Variants in PCDHA2 observed in about 807,000 individuals in gnomAD.
PCDHA2 encodes protocadherin alpha-2.
PCDHA2 carries 58 observed loss-of-function variants against 66.0 expected under a neutral mutation model. The ratio of observed to expected loss-of-function variants is 0.88; its 90% confidence interval spans 0.71 to 1.09. The LOEUF (loss-of-function observed/expected upper bound fraction) is 1.09. Among genes scored for constraint, PCDHA2 ranks in the 50% least tolerant of loss-of-function variants. PCDHA2 has a pLI of 0.00. For missense variants in PCDHA2, 1,267 were observed against 1,242.3 expected (o/e 1.02, Z -0.30); for synonymous variants, 634 against 554.0 (o/e 1.14, Z -2.03).
intron 1 of PCDHA2, chr5:140,850,568 G>T (rs2150489760): frequency 1.3e-6 from 2 of 1,598,448 alleles, no homozygotes; most frequent in South Asian, 2.2e-5. Context: ...GCCCCGAGGT[G>T]ACGCTGGTGG....
In PCDHA2 at chr5:140,795,375, A is replaced by G. The variant is rs782008701; in HGVS notation, c.411A>G (p.Val137=). 10 of 1,614,184 alleles carry G rather than the reference A, an allele frequency of 6.2e-6. No individual in the cohort carries two copies. The highest frequency in any genetic ancestry group is 7.6e-6 in the Non-Finnish European group (9 of 1,180,020). ...ACCCGCCAATATTTCCAATGACAGTAAAGACTATCCGGTTTCCCGAATCAA... is the reference window on the plus strand; with the variant it reads ...ACCCGCCAATATTTCCAATGACAGTGAAGACTATCCGGTTTCCCGAATCAA... ...NDNPPIFPMT[V]KTIRFPESRL... is the part of the protein sequence containing the mutation. Residue 137 remains valine, a synonymous_variant, in exon 1 of 4, where the codon GTA becomes GTG. Coordinates refer to ENST00000526136, the MANE Select transcript of PCDHA2 (RefSeq NM_018905.3).
In PCDHA2 at chr5:140,856,890, G is replaced by A. The variant is rs782469336; in HGVS notation, c.2388+59538G>A. On this transcript the variant is annotated intron_variant, in intron 1 of 3. Transcript: ENST00000526136. ...AACAAGGAAATGATGTATTCATTTA[G>A]CTCTTTGGTCCCACCCACGATAAGA... 2.1e-5 allele frequency: 34 copies of A among 1,596,056 alleles called. 3 individuals carry two copies. The highest frequency in any genetic ancestry group is 2.9e-5 in the Non-Finnish European group (34 of 1,165,980).
intron 1 of PCDHA2, among the ~76,000 whole-genome samples, chr5:140,889,977 C>A (rs2062447126): frequency 6.6e-6 from 1 of 152,102 alleles, no homozygotes; most frequent in African/African-American, 2.4e-5. Flanking sequence ...ATCCAGTCTC[C>A]AGTTGTCTTA....
chr5:140,852,967 C>T (rs1446312366), intron 1 of PCDHA2: 3 of 408,074 alleles, frequency 7.4e-6, no homozygotes, highest in South Asian at 2.0e-4. Flanking sequence ...CAAGCTCCCC[C>T]TCCCGTGTTC....
At chr5:140,841,383 T>C (rs1554138141) in intron 1 of PCDHA2, 11 of 1,613,486 alleles carry the variant, frequency 6.8e-6, no homozygotes, top group Non-Finnish European at 8.5e-6. Context: ...CTTCTGCTCC[T>C]CGCAGCCTGG....
At chr5:140,802,999 C>G (rs782171071) in intron 1 of PCDHA2, 2 of 1,614,048 alleles carry the variant, frequency 1.2e-6, no homozygotes, top group Admixed American at 3.3e-5. Context: ...GATGCAGACT[C>G]AGGCTACAAC....
At chr5:140,994,817 T>C (rs1362838008) in intron 3 of PCDHA2, among the ~76,000 whole-genome samples, 3 of 152,068 alleles carry the variant, frequency 2.0e-5, no homozygotes, top group African/African-American at 7.2e-5. Context: ...TACAAAAAAC[T>C]GAATTGTGTA....
intron 1 of PCDHA2, among the ~76,000 whole-genome samples, chr5:140,955,135 G>A (rs114298661): frequency 0.017 from 2,539 of 152,204 alleles, 31 homozygotes; most frequent in Middle Eastern, 0.034. Flanking sequence ...TGGTCTACAC[G>A]TCTGTTTTTG....
chr5:140,885,041 T>C (rs2060440056), intron 1 of PCDHA2, among the ~76,000 whole-genome samples: 1 of 152,250 alleles, frequency 6.6e-6, no homozygotes, highest in Non-Finnish European at 1.5e-5. Flanking sequence ...ATTTTTAGTT[T>C]AATGTATACA....
In PCDHA2 at chr5:140,852,899, G is replaced by A; in HGVS notation, c.2388+55547G>A. On this transcript the variant is annotated intron_variant, in intron 1 of 3. Transcript: ENST00000526136. ...TCATAAAACGTATTTTTTTTTTTGA[G>A]TCAGAGTCTCGCTCTGTTGCCCAGG... 4.8e-6 allele frequency: 4 copies of A among 840,714 alleles called. 1 individual carries two copies. Among genetic ancestry groups the A allele is most frequent in the Non-Finnish European group, 5.8e-6 (4 of 685,948 alleles). The allele number at this position is 840,714 out of a possible 1,614,324, so 52.1% of individuals were successfully genotyped here.
chr5:140,852,761 C>T (rs17119246), intron 1 of PCDHA2: 72,639 of 982,874 alleles, frequency 0.074, 8,920 homozygotes, highest in African/African-American at 0.25. Flanking sequence ...ACCCAGGTAT[C>T]TGATTATTTG....
At chr5:140,821,085 T>C (rs1342209208) in intron 1 of PCDHA2, among the ~76,000 whole-genome samples, 3 of 151,810 alleles carry the variant, frequency 2.0e-5, no homozygotes, top group African/African-American at 7.3e-5. Flanking sequence ...TTTTTGAAAA[T>C]AACATCAACA....
intron 1 of PCDHA2, chr5:140,822,891 C>A (rs2150120140): frequency 1.9e-6 from 3 of 1,614,226 alleles, no homozygotes; most frequent in Non-Finnish European, 2.5e-6. Context: ...CTCTGATCAG[C>A]GTGTCTGACC....
intron 1 of PCDHA2, among the ~76,000 whole-genome samples, chr5:140,917,639 C>T (rs151007423): frequency 1.6e-4 from 25 of 152,268 alleles, no homozygotes; most frequent in African/African-American, 5.8e-4. Flanking sequence ...AGCTAGTTAT[C>T]CCAGCAATAT....
intron 1 of PCDHA2, chr5:140,821,985 C>CG: frequency 6.2e-7 from 1 of 1,614,156 alleles, no homozygotes; most frequent in South Asian, 1.1e-5. Context: ...CCAAGGGCCG[C>CG]GGGGACCTTC....
intron 1 of PCDHA2, among the ~76,000 whole-genome samples, chr5:140,932,398 T>C (rs1163806647): frequency 6.6e-6 from 1 of 151,960 alleles, no homozygotes; most frequent in Non-Finnish European, 1.5e-5. Flanking sequence ...AGTTTCAACA[T>C]ACCAATGTTA....
chr5:140,890,386 A>T (rs905205351), intron 1 of PCDHA2, among the ~76,000 whole-genome samples: 1 of 152,202 alleles, frequency 6.6e-6, no homozygotes, highest in African/African-American at 2.4e-5. Context: ...TCTTTCTTAG[A>T]TAATCTATAA....
intron 1 of PCDHA2, chr5:140,824,610 G>GTTTTTTTCTT (rs1768198907): frequency 1.1e-5 from 1 of 95,104 alleles, no homozygotes; most frequent in African/African-American, 4.9e-5. Context: ...GCTAATTAAA[G>GTTTTTTTCTT]TTTTTTTTTT....
intron 1 of PCDHA2, among the ~76,000 whole-genome samples, chr5:140,956,546 G>A (rs1330264002): frequency 1.3e-5 from 2 of 152,158 alleles, no homozygotes; most frequent in Non-Finnish European, 2.9e-5. Flanking sequence ...GCTGGATTTG[G>A]TTTGCCAGTA....
Sources: allele counts gnomAD v4.1 joint callset (sites outside exome capture counted in the v4.1 genomes callset), GRCh38; gene constraint gnomAD v4.1.1; transcripts MANE v1.5; gene names NCBI Gene and HGNC (gene_info 2026-07-23, HGNC 2026-07-21).